Variants in RNF212B observed in about 807,000 individuals in gnomAD.
The protein encoded by RNF212B is ring finger protein 212B.
RNF212B carries 52 observed loss-of-function variants against 55.5 expected under a neutral mutation model. That is an observed-to-expected ratio of 0.94 (90% CI 0.75 to 1.18). The LOEUF (loss-of-function observed/expected upper bound fraction) is 1.18. Ranked by LOEUF, RNF212B falls within the 50% of genes most tolerant of loss-of-function variation. The pLI, the probability that RNF212B is intolerant of heterozygous loss-of-function variation, is 0.00. For synonymous variants in RNF212B, 99 were observed against 121.4 expected (o/e 0.82, Z 1.21); for missense variants, 289 against 350.4 (o/e 0.82, Z 1.40).
At chr14:23,234,179 A>C (rs1882939229), upstream of RNF212B, among the ~76,000 whole-genome samples, 1 of 152,054 alleles carries the variant, frequency 6.6e-6, no homozygotes, top group Non-Finnish European at 1.5e-5. Flanking sequence ...TCAACTGTTC[A>C]AATTTCTATT....
chr14:23,231,626 C>T (rs999591274), intron 2 of RNF212B, among the ~76,000 whole-genome samples: 1 of 151,826 alleles, frequency 6.6e-6, no homozygotes, highest in Non-Finnish European at 1.5e-5. Flanking sequence ...TCTCCCCTCT[C>T]CCCTCTCCCC....
chr14:23,228,888 T>A (rs1053300489), intron 2 of RNF212B, among the ~76,000 whole-genome samples: 7 of 152,238 alleles, frequency 4.6e-5, no homozygotes, highest in South Asian at 2.1e-4. Context: ...TAAAATTTGC[T>A]ATTTTAACCA....
At chr14:23,230,610 C>T (rs986027780) in intron 2 of RNF212B, among the ~76,000 whole-genome samples, 4 of 134,252 alleles carry the variant, frequency 3.0e-5, no homozygotes, top group African/African-American at 1.2e-4. Context: ...GCCGAGATCG[C>T]GCCACTGCAC....
chr14:23,247,094 C>T lies in RNF212B; in HGVS notation c.228+2698C>T, dbSNP rs28734785. Among the ~76,000 whole-genome samples, 1,000 of 150,876 alleles carry T rather than the reference C, an allele frequency of 6.6e-3. 11 individuals are homozygous for T. The highest frequency in any genetic ancestry group is 0.023 in the African/African-American group (934 of 40,964). ...GGTGGAGACTGCGGTGAGCCAAGATCGCACCATTGCACTCCAGCCTGGGCA... is the reference window on the plus strand; with the variant it reads ...GGTGGAGACTGCGGTGAGCCAAGATTGCACCATTGCACTCCAGCCTGGGCA... On this transcript the variant is annotated intron_variant, in intron 4 of 14. Transcript: ENST00000430154.
chr14:23,254,764 A>G (rs984333527), intron 4 of RNF212B, among the ~76,000 whole-genome samples: 9 of 152,192 alleles, frequency 5.9e-5, no homozygotes, highest in African/African-American at 2.2e-4. Context: ...TTGTCTTATC[A>G]TAGTAAACCT....
chr14:23,216,645 C>A (rs1190644689), intron 2 of RNF212B, among the ~76,000 whole-genome samples: 1 of 151,216 alleles, frequency 6.6e-6, no homozygotes, highest in Non-Finnish European at 1.5e-5. Flanking sequence ...TTTGGGAGGC[C>A]AAGGTAGGCA....
chr14:23,241,998 T>C (rs563295681), intron 2 of RNF212B, among the ~76,000 whole-genome samples: 7 of 137,790 alleles, frequency 5.1e-5, no homozygotes, highest in Non-Finnish European at 9.1e-5. Flanking sequence ...AGGAGAATGG[T>C]GTGAACCCCG....
chr14:23,218,853 C>G (rs1342270304), intron 2 of RNF212B, among the ~76,000 whole-genome samples: 6 of 151,832 alleles, frequency 4.0e-5, no homozygotes, highest in African/African-American at 9.7e-5. Flanking sequence ...TTATAGAACA[C>G]CAAACAGATT....
intron 4 of RNF212B, among the ~76,000 whole-genome samples, chr14:23,255,709 T>A (rs971698254): frequency 3.9e-5 from 6 of 152,196 alleles, no homozygotes; most frequent in South Asian, 4.1e-4. Flanking sequence ...TAAAAAAATT[T>A]TTTTAATTTT....
chr14:23,210,156 A>G (rs1202041975), intron 2 of RNF212B, among the ~76,000 whole-genome samples: 3 of 152,226 alleles, frequency 2.0e-5, no homozygotes, highest in Non-Finnish European at 4.4e-5. Flanking sequence ...TCAAAACACG[A>G]ACAAACAAAA....
At chr14:23,257,584 C>A (rs1399483932) in intron 4 of RNF212B, among the ~76,000 whole-genome samples, 3 of 152,134 alleles carry the variant, frequency 2.0e-5, no homozygotes, top group African/African-American at 7.2e-5. Flanking sequence ...ATAGTCTGAA[C>A]AGGGAGGAAG....
In RNF212B at chr14:23,259,940, T is replaced by C. The variant is rs771779595; in HGVS notation, c.401T>C (p.Leu134Pro). ...GAACTGAAGAAATTTCTAGCCATTC[T>C]AAAGGTGAATGAAATAGATTTTCCT... is the stretch of plus-strand genomic sequence containing the variant. ...NGELKKFLAI[L>P]KESPSRYQGS... The change falls in exon 6 of 15, where the codon CTA (leucine) becomes CCA (proline). Residue 134 changes from leucine to proline, a missense_variant. By Grantham distance (98) the Leu-to-Pro change is moderately conservative (BLOSUM62 -3). Coordinates refer to ENST00000430154, the MANE Select transcript of RNF212B (RefSeq NM_001282322.3). 11 of 1,456,542 alleles carry C rather than the reference T, an allele frequency of 7.6e-6. No homozygotes were observed. The highest frequency in any genetic ancestry group is 8.4e-6 in the Non-Finnish European group (9 of 1,077,582). 90.2% of individuals were successfully genotyped at this position (1,456,542 alleles called of 1,614,324 possible).
At position 23,264,258 on chromosome 14, in the gene RNF212B, T is replaced by C. The variant is rs1346549463; in HGVS notation, c.585+24T>C. 3 of 1,524,878 alleles carry C rather than the reference T, an allele frequency of 2.0e-6. No homozygotes were observed. In the South Asian group the frequency reaches 3.6e-5, roughly 18 times the overall value. 94.5% of individuals were successfully genotyped at this position (1,524,878 alleles called of 1,614,324 possible). A position where few individuals can be genotyped will look rare whatever the true frequency, so the allele number is the denominator to read the frequency against. On this transcript the variant is annotated intron_variant, in intron 10 of 14. Transcript: ENST00000430154. ...AAGTAAGTAATGTTCACCTTATCTTTCCAGATTGAAGTTTCTAATGCTAAA... is the reference window on the plus strand; with the variant it reads ...AAGTAAGTAATGTTCACCTTATCTTCCCAGATTGAAGTTTCTAATGCTAAA...
chr14:23,269,926 A>C lies in RNF212B; in HGVS notation c.738A>C (p.Ser246=), dbSNP rs1245135665. 3 of 1,549,070 alleles carry C rather than the reference A, an allele frequency of 1.9e-6. No homozygotes were observed. Residue 246 remains serine, a synonymous_variant, in exon 13 of 15, where the codon TCA becomes TCC. Coordinates refer to ENST00000430154, the MANE Select transcript of RNF212B (RefSeq NM_001282322.3). ...FSFRPSPNGH[S]GHTRVLTPNN... is the part of the protein sequence containing the mutation. The stretch of plus-strand genomic sequence containing the variant: ...TCAGACCATCCCCAAATGGGCATTC[A>C]GGCCACACAAGAGTCCTCACCCCCA...
At chr14:23,208,811 T>G (rs1295194991) in intron 2 of RNF212B, among the ~76,000 whole-genome samples, 1 of 121,252 alleles carries the variant, frequency 8.2e-6, no homozygotes, top group Non-Finnish European at 1.6e-5. Flanking sequence ...CAGGCTGGAG[T>G]GCAATGGCGC....
chr14:23,240,667 A>T (rs1251803763), intron 2 of RNF212B, among the ~76,000 whole-genome samples: 1 of 152,212 alleles, frequency 6.6e-6, no homozygotes, highest in African/African-American at 2.4e-5. Context: ...TTACTTGAGG[A>T]CTAGAATGTA....
chr14:23,257,159 AC>A (rs200310726), intron 4 of RNF212B, among the ~76,000 whole-genome samples: 10 of 134,042 alleles, frequency 7.5e-5, no homozygotes, highest in Middle Eastern at 3.6e-3. Context: ...TCACACACAC[AC>A]AAAAAAAATA....
chr14:23,225,711 A>G (rs1194612723), intron 2 of RNF212B, among the ~76,000 whole-genome samples: 1 of 152,066 alleles, frequency 6.6e-6, no homozygotes, highest in African/African-American at 2.4e-5. Context: ...ATACCAAAAA[A>G]AATAGAAAGA....
chr14:23,243,314 T>C lies in RNF212B; in HGVS notation c.153+6T>C, dbSNP rs1335265769. 4 of 1,549,256 alleles carry C rather than the reference T, an allele frequency of 2.6e-6. No individual in the cohort carries two copies. The highest frequency in any genetic ancestry group is 3.5e-6 in the Non-Finnish European group (4 of 1,146,176). On this transcript the variant is annotated splice_donor_region_variant and intron_variant, in intron 3 of 14. Coordinates refer to ENST00000430154, the MANE Select transcript of RNF212B (RefSeq NM_001282322.3). ...ATCTGGCTCTTTCTGATAATGTAAG[T>C]TTTTCTCCCCCTGCCACAAACTGTC...
Sources: gnomAD v4.1 joint callset for allele counts (sites outside exome capture counted in the v4.1 genomes callset) on GRCh38, gnomAD v4.1.1 for gene constraint, MANE v1.5 for transcripts, NCBI Gene and HGNC (gene_info 2026-07-23, HGNC 2026-07-21) for gene names.